LNPEP: variants seen among roughly 807,000 people sequenced by gnomAD.
LNPEP encodes leucyl and cystinyl aminopeptidase.
In LNPEP, 64 loss-of-function variants were observed where a neutral mutation model predicts 120.6. That is an observed-to-expected ratio of 0.53 (90% CI 0.43 to 0.65). LNPEP has a LOEUF of 0.65. Among genes scored for constraint, LNPEP ranks in the 30% least tolerant of loss-of-function variants. The pLI is 0.00. For synonymous variants in LNPEP, 435 were observed against 425.4 expected (o/e 1.02, Z -0.28); for missense variants, 1,057 against 1,200.0 (o/e 0.88, Z 1.76).
In LNPEP at chr5:96,979,915, A is replaced by G. The variant is rs1173096477; in HGVS notation, c.797A>G (p.Asn266Ser). 3.7e-6 allele frequency: 6 copies of G among 1,613,328 alleles called. No homozygotes were observed. Among genetic ancestry groups the G allele is most frequent in the Non-Finnish European group, 4.2e-6 (5 of 1,179,614 alleles). ...NYTLKIEYSA[N>S]ISSSYYGFYG... ...ACGTTGAAGATAGAGTACTCGGCAAATATATCTAGTTCTTATTATGGGTTT... is the reference window on the plus strand; with the variant it reads ...ACGTTGAAGATAGAGTACTCGGCAAGTATATCTAGTTCTTATTATGGGTTT... Residue 266 changes from asparagine to serine, a missense_variant, in exon 2 of 18, where the codon AAT (asparagine) becomes AGT (serine). Asn to Ser is a conservative substitution (Grantham distance 46, BLOSUM62 1). Coordinates refer to ENST00000231368, the MANE Select transcript of LNPEP (RefSeq NM_005575.3).
At chr5:96,992,132 A>G (rs1214095146) in intron 4 of LNPEP, among the ~76,000 whole-genome samples, 1 of 152,170 alleles carries the variant, frequency 6.6e-6, no homozygotes, top group East Asian at 1.9e-4. Context: ...TTGTCGCATC[A>G]TATATGTTTA....
rs115847260 is a variant in LNPEP, at chr5:97,003,258, A to G, written c.1654-157A>G. Among the ~76,000 whole-genome samples, 1,401 of 152,316 alleles carry G rather than the reference A, an allele frequency of 9.2e-3. 24 individuals carry two copies. The highest frequency in any genetic ancestry group is 0.032 in the African/African-American group (1,317 of 41,564). ...ATTTTAAGACAGTTGAACACAGTCCACATCTATATGAGACTAAGTAGCAGT... is the reference window on the plus strand; with the variant it reads ...ATTTTAAGACAGTTGAACACAGTCCGCATCTATATGAGACTAAGTAGCAGT... On this transcript the variant is annotated intron_variant, in intron 8 of 17. Coordinates refer to ENST00000231368, the MANE Select transcript of LNPEP (RefSeq NM_005575.3).
intron 8 of LNPEP, among the ~76,000 whole-genome samples, chr5:97,002,451 A>C (rs1329646118): frequency 2.0e-5 from 3 of 152,222 alleles, no homozygotes; most frequent in Non-Finnish European, 4.4e-5. Context: ...TGTTGGGGAC[A>C]ACAGTGAGTA....
chr5:96,939,596 CATAA>C (rs997595880), intron 1 of LNPEP, among the ~76,000 whole-genome samples: 4 of 97,606 alleles, frequency 4.1e-5, no homozygotes, highest in East Asian at 5.7e-4. Flanking sequence ...GAACTGAAAA[CATAA>C]ATAGTTTTTT....
At position 97,029,651 on chromosome 5, in the gene LNPEP, T is replaced by C. The variant is rs937449960; in HGVS notation, c.*1118T>C. 1 of 152,190 alleles carries C rather than the reference T, an allele frequency of 6.6e-6. No individual in the cohort carries two copies. Among genetic ancestry groups the C allele is most frequent in the Admixed American group, 6.5e-5 (1 of 15,272 alleles). The allele number at this position is 152,190 out of a possible 1,614,324, so 9.4% of individuals were successfully genotyped here. ...GAACAAAGAGAATGTGGGATAGGAG[T>C]AACTTGAATTCGTGTTTAGTATGGT... On this transcript the variant is annotated 3_prime_UTR_variant, in exon 18 of 18. Transcript: ENST00000231368.
At chr5:96,981,881 G>A (rs1263635516) in intron 2 of LNPEP, among the ~76,000 whole-genome samples, 1 of 152,086 alleles carries the variant, frequency 6.6e-6, no homozygotes, top group Non-Finnish European at 1.5e-5. Flanking sequence ...TGTTTCAGCA[G>A]TTCCTCGTTT....
chr5:96,999,006 CAG>C (rs918506782), intron 8 of LNPEP, among the ~76,000 whole-genome samples: 6 of 152,008 alleles, frequency 3.9e-5, no homozygotes, highest in African/African-American at 1.4e-4. Flanking sequence ...GATGTTTTTT[CAG>C]AGAGTCAGTG....
rs1252434314 is a variant in LNPEP, at chr5:97,032,491, A to G, written c.*3958A>G. On this transcript the variant is annotated 3_prime_UTR_variant, in exon 18 of 18. Transcript: ENST00000231368. ...GTATATACTTTAAAAATGTACATAC[A>G]TGTTTTTGATAGTTTTTATATTATT... 6.6e-6 allele frequency: 1 copy of G among 152,060 alleles called. No homozygotes were observed. The highest frequency in any genetic ancestry group is 1.5e-5 in the Non-Finnish European group (1 of 68,028). 9.4% of individuals were successfully genotyped at this position (152,060 alleles called of 1,614,324 possible). A position where few individuals can be genotyped will look rare whatever the true frequency, so the allele number is the denominator to read the frequency against.
chr5:97,001,785 A>T (rs182417422), intron 8 of LNPEP, among the ~76,000 whole-genome samples: 1 of 152,156 alleles, frequency 6.6e-6, no homozygotes, highest in Non-Finnish European at 1.5e-5. Context: ...CAATAGGTTG[A>T]TAAGATGAGC....
At chr5:97,024,778 C>T (rs1696728357) in intron 15 of LNPEP, 96 bp downstream of exon 15, 2 of 1,148,976 alleles carry the variant, frequency 1.7e-6, no homozygotes, top group Non-Finnish European at 2.5e-6. Context: ...ATCTCTTTTC[C>T]CCACTTCTGT....
In LNPEP at chr5:97,032,659, G is replaced by A. The variant is rs556254608; in HGVS notation, c.*4126G>A. On this transcript the variant is annotated 3_prime_UTR_variant, in exon 18 of 18. Transcript: ENST00000231368. ...CTTTGGAAGAAGGTGGTGATGTTGA[G>A]AGGAGAGCAAGCTATATTCTTTTAA... The A allele has an allele frequency of 2.6e-5, 4 of 152,324 alleles. No individual in the cohort carries two copies. In the East Asian group the frequency reaches 7.7e-4, roughly 29 times the overall value. The allele number at this position is 152,324 out of a possible 1,614,324, so 9.4% of individuals were successfully genotyped here. A position where few individuals can be genotyped will look rare whatever the true frequency, so the allele number is the denominator to read the frequency against.
rs573270690 is a variant in LNPEP at position 97,037,389 on chromosome 5, G to C, written c.*8856G>C. ...GTTGTTTCACTTGTAAAGGGAAAAG[G>C]CTTATTTTTCTTTATATTTCTGATA... is the stretch of plus-strand genomic sequence containing the variant. On this transcript the variant is annotated 3_prime_UTR_variant, in exon 18 of 18. Transcript: ENST00000231368. 31 of 152,190 alleles carry C rather than the reference G, an allele frequency of 2.0e-4. No individual in the cohort carries two copies. Among genetic ancestry groups the C allele is most frequent in the African/African-American group, 7.0e-4 (29 of 41,530 alleles). 9.4% of individuals were successfully genotyped at this position (152,190 alleles called of 1,614,324 possible).
intron 1 of LNPEP, among the ~76,000 whole-genome samples, chr5:96,952,267 A>G (rs1789342040): frequency 6.6e-6 from 1 of 152,184 alleles, no homozygotes; most frequent in Non-Finnish European, 1.5e-5. Flanking sequence ...TTGCTTCTGC[A>G]TTCAGTCAGT....
At chr5:96,975,614 T>A (rs935447746) in intron 1 of LNPEP, among the ~76,000 whole-genome samples, 2 of 152,164 alleles carry the variant, frequency 1.3e-5, no homozygotes, top group Admixed American at 1.3e-4. Context: ...ATTGTTTCTG[T>A]TTTTTTAATT....
intron 11 of LNPEP, chr5:97,010,943 T>C (rs987846110): frequency 1.5e-5 from 15 of 985,288 alleles, no homozygotes; most frequent in Non-Finnish European, 1.8e-5. Context: ...GATAACTCTG[T>C]CTGTCTTTGT....
Position 96,993,046 on chromosome 5 carries a change from G to A in LNPEP, c.1163G>A (p.Gly388Asp), listed in dbSNP as rs188547319. Residue 388 changes from glycine (G) to aspartate (D), a missense_variant, in exon 5 of 18, where the codon GGT (glycine) becomes GAT (aspartate). Coordinates refer to ENST00000231368, the MANE Select transcript of LNPEP (RefSeq NM_005575.3). ...VSIYAVPEKI[G>D]QVHYALETTV... The stretch of plus-strand genomic sequence containing the variant: ...ATATATGCTGTACCAGAAAAGATTG[G>A]TCAAGTTCATTATGCCTTGGAAACA... 11 of 1,597,942 alleles carry A rather than the reference G, an allele frequency of 6.9e-6. No homozygotes were observed. In the East Asian group the frequency reaches 2.2e-4, roughly 33 times the overall value.
At chr5:96,985,971 A>C (rs573309618) in intron 3 of LNPEP, among the ~76,000 whole-genome samples, 15 of 152,238 alleles carry the variant, frequency 9.9e-5, no homozygotes, top group South Asian at 4.1e-4. Flanking sequence ...TCTTTCTCTA[A>C]AGAGGCAGAT....
intron 1 of LNPEP, among the ~76,000 whole-genome samples, chr5:96,975,506 C>G (rs1387972326): frequency 1.3e-5 from 2 of 152,104 alleles, no homozygotes. Flanking sequence ...CTCACTGCTA[C>G]TGACATAGTT....
intron 6 of LNPEP, 173 bp from the exon 7 acceptor site, chr5:96,996,216 AC>A (rs1275164160): frequency 2.9e-5 from 13 of 447,044 alleles, no homozygotes; most frequent in African/African-American, 2.3e-4. Context: ...AATTTATACA[AC>A]TTTTGTAAGT....
Sources: allele counts gnomAD v4.1 joint callset (sites outside exome capture counted in the v4.1 genomes callset), GRCh38; gene constraint gnomAD v4.1.1; transcripts MANE v1.5; gene names NCBI Gene and HGNC (gene_info 2026-07-23, HGNC 2026-07-21).